The following TSHR variants were observed in gnomAD, a reference collection of about 807,000 sequenced individuals.
TSHR encodes thyrotropin receptor.
Under a neutral mutation model 64.1 loss-of-function variants are expected in TSHR, and 51 were observed. The ratio of observed to expected loss-of-function variants is 0.80; its 90% CI spans 0.64 to 1.01. The LOEUF is 1.01. Among genes scored for constraint, TSHR ranks in the 50% least tolerant of loss-of-function variants. The pLI is 0.00. For missense variants in TSHR, 877 were observed against 942.8 expected (o/e 0.93, Z 0.91); for synonymous variants, 361 against 361.9 (o/e 1.00, Z 0.03).
rs781686784 is a variant in TSHR, at chr14:81,143,816, T to A, written c.1758T>A (p.Val586=). 3.7e-6 allele frequency: 6 copies of A among 1,614,084 alleles called. No homozygotes were observed. In the African/African-American group the frequency reaches 6.7e-5, roughly 18 times the overall value. The change falls in exon 10 of 10, where the codon GTT becomes GTA. Residue 586 remains valine, a synonymous_variant. Coordinates refer to ENST00000298171, the MANE Select transcript of TSHR (RefSeq NM_000369.5). ...TPLALAYIVF[V]LTLNIVAFVI... ...TTGCTCTGGCATATATTGTTTTTGT[T>A]CTGACGCTCAACATAGTTGCCTTCG...
chr14:81,054,035 G>C (rs2024424), intron 1 of TSHR, among the ~76,000 whole-genome samples: 35,219 of 152,094 alleles, frequency 0.23, 4,136 homozygotes, highest in South Asian at 0.29. Flanking sequence ...CAGGATTGCT[G>C]ATATAGTTTG....
At chr14:80,991,811 C>T (rs1416109024) in intron 1 of TSHR, 2 of 378,388 alleles carry the variant, frequency 5.3e-6, no homozygotes, top group Middle Eastern at 1.3e-3. Flanking sequence ...TTCACACCGA[C>T]AAGCCTGGAG....
At chr14:81,059,008 G>C (rs1323923382) in intron 1 of TSHR, among the ~76,000 whole-genome samples, 4 of 152,046 alleles carry the variant, frequency 2.6e-5, no homozygotes, top group African/African-American at 9.7e-5. Flanking sequence ...CAAAACTACT[G>C]CAAATCAAAA....
intron 3 of TSHR, among the ~76,000 whole-genome samples, chr14:81,082,211 G>T (rs1887954250): frequency 6.6e-6 from 1 of 152,154 alleles, no homozygotes; most frequent in Non-Finnish European, 1.5e-5. Context: ...CAAGTATTCT[G>T]TTTTATCTAA....
At chr14:81,104,283 A>G (rs950966728) in intron 7 of TSHR, 3 of 985,304 alleles carry the variant, frequency 3.0e-6, no homozygotes, top group African/African-American at 3.5e-5. Flanking sequence ...TGAATTAGCA[A>G]CGCTGTGGGA....
At chr14:81,061,558 C>T (rs1226755169) in intron 1 of TSHR, among the ~76,000 whole-genome samples, 1 of 151,986 alleles carries the variant, frequency 6.6e-6, no homozygotes, top group Non-Finnish European at 1.5e-5. Flanking sequence ...AAACAAAATA[C>T]CACATGTTCT....
At chr14:81,065,773 A>G (rs1886566451) in intron 2 of TSHR, among the ~76,000 whole-genome samples, 1 of 152,214 alleles carries the variant, frequency 6.6e-6, no homozygotes, top group South Asian at 2.1e-4. Flanking sequence ...TTTGTGGAAT[A>G]AAAGCACATA....
chr14:81,089,136 C>T (rs1888522970), intron 4 of TSHR, among the ~76,000 whole-genome samples: 2 of 136,390 alleles, frequency 1.5e-5, no homozygotes, highest in South Asian at 4.5e-4. Flanking sequence ...TACAGGTGTG[C>T]ACCACCATGC....
intron 1 of TSHR, among the ~76,000 whole-genome samples, chr14:81,028,472 T>A (rs1884184714): frequency 6.6e-6 from 1 of 151,762 alleles, no homozygotes; most frequent in South Asian, 2.1e-4. Context: ...CAAGAAAGGA[T>A]CTCTGATAAA....
In TSHR at chr14:81,115,314, C is replaced by A. The variant is rs555007186; in HGVS notation, c.692+6862C>A. On this transcript the variant is annotated intron_variant, in intron 8 of 9. Transcript: ENST00000298171. ...TTAGAAGAATGTATAACGAGAATAA[C>A]CAATACAGAGAAGTGCTTAAAGGAG... is the stretch of plus-strand genomic sequence containing the variant. 3.3e-5 allele frequency among the ~76,000 whole-genome samples: 5 copies of A among 150,648 alleles called. No individual in the cohort carries two copies. The South Asian group carries it at 8.5e-4, about 26-fold the overall frequency.
At chr14:80,990,688 C>T (rs991494967) in intron 1 of TSHR, among the ~76,000 whole-genome samples, 7 of 151,558 alleles carry the variant, frequency 4.6e-5, no homozygotes, top group Admixed American at 4.6e-4. Flanking sequence ...GAGTTTCGCT[C>T]TTGTTGCCCA....
intron 1 of TSHR, among the ~76,000 whole-genome samples, chr14:81,030,241 T>C (rs1381518629): frequency 6.6e-6 from 1 of 152,142 alleles, no homozygotes; most frequent in East Asian, 1.9e-4. Flanking sequence ...TGCTCTCTGA[T>C]ACTAAAACAG....
intron 1 of TSHR, 94 bp downstream of exon 1, chr14:80,955,944 G>T: frequency 6.8e-7 from 1 of 1,463,152 alleles, no homozygotes; most frequent in Non-Finnish European, 9.5e-7. Flanking sequence ...ATAACAGCCC[G>T]AAGTAGTGTG....
chr14:81,108,679 T>A (rs765418913), intron 8 of TSHR: 1 of 1,613,962 alleles, frequency 6.2e-7, no homozygotes, highest in African/African-American at 1.3e-5. Context: ...TATGCCATCA[T>A]GATGCCTGCT....
intron 8 of TSHR, among the ~76,000 whole-genome samples, chr14:81,124,213 C>A (rs1890922730): frequency 6.6e-6 from 1 of 150,486 alleles, no homozygotes; most frequent in South Asian, 2.1e-4. Context: ...TCTTTGGTTT[C>A]TTTTTTTTCT....
intron 8 of TSHR, among the ~76,000 whole-genome samples, chr14:81,128,444 A>C (rs543424387): frequency 6.6e-6 from 1 of 152,354 alleles, no homozygotes; most frequent in Non-Finnish European, 1.5e-5. Flanking sequence ...CCTTTTATGT[A>C]AGATTATTCT....
chr14:81,103,046 T>G lies in TSHR; in HGVS notation c.615-5329T>G, dbSNP rs1889686354. On this transcript the variant is annotated intron_variant, in intron 7 of 9. Transcript: ENST00000298171. This position sits in a 1 kb window ranked among gnomAD's most constrained non-coding sequence, Gnocchi z 4.1. The stretch of plus-strand genomic sequence containing the variant: ...AATAGAAATTTATTCTTTCCTAGAT[T>G]TAAGCACTTCAGTAAAAGGTATCAT... The G allele has an allele frequency of 6.1e-6, 6 of 985,290 alleles. No individual in the cohort carries two copies. The highest frequency in any genetic ancestry group is 7.2e-6 in the Non-Finnish European group (6 of 829,926). 61.0% of individuals were successfully genotyped at this position (985,290 alleles called of 1,614,324 possible).
chr14:80,956,906 G>A (rs1429899818), intron 1 of TSHR, among the ~76,000 whole-genome samples: 1 of 152,150 alleles, frequency 6.6e-6, no homozygotes, highest in Non-Finnish European at 1.5e-5. Flanking sequence ...CATTCTCCAT[G>A]CTGCCACCAC....
At chr14:80,996,569 A>G (rs1319687790) in intron 1 of TSHR, among the ~76,000 whole-genome samples, 1 of 142,454 alleles carries the variant, frequency 7.0e-6, no homozygotes, top group Non-Finnish European at 1.5e-5. Context: ...TGGACGAAGA[A>G]CTCCCGCACA....
Sources: gnomAD v4.1 joint callset for allele counts (sites outside exome capture counted in the v4.1 genomes callset) on GRCh38, gnomAD v4.1.1 for gene constraint, Gnocchi (gnomAD v3.1) non-coding constraint, MANE v1.5 for transcripts, NCBI Gene and HGNC (gene_info 2026-07-23, HGNC 2026-07-21) for gene names.